RBFOX1: variants seen among roughly 807,000 people sequenced by gnomAD.
RBFOX1 encodes RNA binding fox-1 homolog 1.
Under a neutral mutation model 57.7 loss-of-function variants are expected in RBFOX1, and 8 were observed. The observed-to-expected ratio is 0.14, with a 90% CI of 0.08 to 0.25. The LOEUF (loss-of-function observed/expected upper bound fraction) is 0.25, where lower values mean the gene tolerates loss of function less well. RBFOX1 is among the 10% of genes least tolerant of loss of function. The pLI, the probability that RBFOX1 is intolerant of heterozygous loss-of-function variation, is 1.00. For missense variants in RBFOX1, 611 were observed against 548.5 expected (o/e 1.11, Z -1.14); for synonymous variants, 326 against 222.4 (o/e 1.47, Z -4.15).
At chr16:7,330,420 G>T (rs1304529404) in intron 4 of RBFOX1, among the ~76,000 whole-genome samples, 3 of 100,266 alleles carry the variant, frequency 3.0e-5, no homozygotes, top group African/African-American at 4.0e-5. Context: ...TGTTTTAGAT[G>T]ATCTGAGGTT....
At position 7,501,250 on chromosome 16, in the gene RBFOX1, C is replaced by G. The variant is rs79259421; in HGVS notation, c.28-16897C>G. Among the ~76,000 whole-genome samples the G allele has an allele frequency of 4.5e-4, 68 of 152,328 alleles. No individual in the cohort carries two copies. In the East Asian group the frequency reaches 0.013, roughly 29 times the overall value. ...TTTCCTCTGCTTATTTCTTCTATTT[C>G]AAGCACTAGAGTTACTTCCATTGAG... On this transcript the variant is annotated intron_variant, in intron 4 of 15. Coordinates refer to ENST00000550418, the MANE Select transcript of RBFOX1 (RefSeq NM_018723.4).
intron 5 of RBFOX1, among the ~76,000 whole-genome samples, chr16:7,549,186 C>G (rs1366929497): frequency 6.6e-6 from 1 of 152,182 alleles, no homozygotes; most frequent in African/African-American, 2.4e-5. Context: ...TGGGAAACAC[C>G]CTCGAAATAT....
intron 4 of RBFOX1, among the ~76,000 whole-genome samples, chr16:6,006,215 A>G (rs953931480): frequency 1.3e-5 from 2 of 152,160 alleles, no homozygotes; most frequent in Admixed American, 6.5e-5. Flanking sequence ...TTCTCAGACC[A>G]GATAGTTCAG....
intron 4 of RBFOX1, among the ~76,000 whole-genome samples, chr16:5,969,297 T>C (rs866910406): frequency 5.3e-5 from 6 of 112,378 alleles, no homozygotes; most frequent in Admixed American, 4.6e-4. Context: ...TTTCGGTTGT[T>C]CTTTTTTTTT....
intron 3 of RBFOX1, among the ~76,000 whole-genome samples, chr16:6,748,262 T>G (rs928893797): frequency 7.2e-5 from 11 of 152,096 alleles, no homozygotes; most frequent in African/African-American, 2.7e-4. Context: ...CCTTCTTTTC[T>G]CTTTCTCTCT....
At chr16:6,879,236 T>C (rs898099605) in intron 3 of RBFOX1, among the ~76,000 whole-genome samples, 8 of 152,230 alleles carry the variant, frequency 5.3e-5, no homozygotes, top group African/African-American at 1.9e-4. Context: ...AATTGATTTT[T>C]ATGGAATTGG....
chr16:6,800,940 T>C (rs926681933), intron 3 of RBFOX1, among the ~76,000 whole-genome samples: 3 of 152,154 alleles, frequency 2.0e-5, no homozygotes, highest in African/African-American at 7.2e-5. Context: ...TTGCCCCTGT[T>C]TGAGTATCTC....
chr16:5,691,185 A>G (rs1476779), intron 3 of RBFOX1, among the ~76,000 whole-genome samples: 35,008 of 152,092 alleles, frequency 0.23, 5,529 homozygotes, highest in East Asian at 0.81. Context: ...TTTGTAATAA[A>G]TTTTCTGTTT....
At chr16:5,297,204 G>C (rs146894044) in intron 1 of RBFOX1, among the ~76,000 whole-genome samples, 46 of 152,324 alleles carry the variant, frequency 3.0e-4, no homozygotes, top group African/African-American at 8.4e-4. Flanking sequence ...TGTGAATAGT[G>C]CTGCAGTGAA....
chr16:5,930,905 G>C (rs1376374069), intron 4 of RBFOX1, among the ~76,000 whole-genome samples: 2 of 142,530 alleles, frequency 1.4e-5, no homozygotes, highest in Non-Finnish European at 3.1e-5. Context: ...TGGATGCATG[G>C]ATGGGTGCAT....
intron 3 of RBFOX1, among the ~76,000 whole-genome samples, chr16:7,049,782 A>T (rs770018183): frequency 1.5e-4 from 23 of 152,320 alleles, no homozygotes; most frequent in Middle Eastern, 3.4e-3. Flanking sequence ...AGTGGGGGAA[A>T]CAGGATGAAG....
chr16:5,521,448 G>A (rs1038199083), intron 2 of RBFOX1, among the ~76,000 whole-genome samples: 10 of 152,174 alleles, frequency 6.6e-5, no homozygotes, highest in African/African-American at 9.7e-5. Context: ...TTAGAAGGCT[G>A]TGGCACATAT....
At chr16:7,496,590 C>T (rs1464318069) in intron 4 of RBFOX1, among the ~76,000 whole-genome samples, 4 of 151,964 alleles carry the variant, frequency 2.6e-5, no homozygotes, top group Non-Finnish European at 5.9e-5. Flanking sequence ...TCTGTACCCC[C>T]AAAGTGTGTG....
chr16:6,650,972 G>A (rs541205209), intron 2 of RBFOX1, among the ~76,000 whole-genome samples: 5 of 152,198 alleles, frequency 3.3e-5, no homozygotes, highest in East Asian at 1.9e-4. Context: ...GCATGATCCC[G>A]GCTTACTGCA....
At chr16:6,413,352 G>A (rs184524485) in intron 2 of RBFOX1, among the ~76,000 whole-genome samples, 3 of 151,802 alleles carry the variant, frequency 2.0e-5, no homozygotes, top group Non-Finnish European at 2.9e-5. Flanking sequence ...TGTAGAGATA[G>A]GGGGTCTTGC....
rs146571970 is a variant in RBFOX1, at chr16:7,475,014, C to T, written c.28-43133C>T. On this transcript the variant is annotated intron_variant, in intron 4 of 15. Transcript: ENST00000550418. ...CAGGATGGTACTCTAGATGGTTCCACACAATCCAGCTGTTGATAACAAAGA... is the reference window on the plus strand; with the variant it reads ...CAGGATGGTACTCTAGATGGTTCCATACAATCCAGCTGTTGATAACAAAGA... Among the ~76,000 whole-genome samples, 140 of 152,302 alleles carry T rather than the reference C, an allele frequency of 9.2e-4. 2 individuals are homozygous for T. Among genetic ancestry groups the T allele is most frequent in the Non-Finnish European group, 6.0e-4 (41 of 68,024 alleles).
At chr16:5,670,029 G>A (rs2049970124) in intron 3 of RBFOX1, among the ~76,000 whole-genome samples, 1 of 152,176 alleles carries the variant, frequency 6.6e-6, no homozygotes, top group Non-Finnish European at 1.5e-5. Context: ...ACTGACATGA[G>A]CTAAAATGTA....
intron 4 of RBFOX1, among the ~76,000 whole-genome samples, chr16:7,069,962 T>G (rs1361106683): frequency 6.6e-6 from 1 of 152,230 alleles, no homozygotes; most frequent in Non-Finnish European, 1.5e-5. Flanking sequence ...CACCATAGCC[T>G]AATAATTCCA....
At position 7,333,099 on chromosome 16, in the gene RBFOX1, G is replaced by T. The variant is rs2096722116; in HGVS notation, c.28-185048G>T. On this transcript the variant is annotated intron_variant, in intron 4 of 15. Transcript: ENST00000550418. The stretch of plus-strand genomic sequence containing the variant: ...CCTGGACTGATTCAGGTAATTCAAG[G>T]CCTCTGCCAGCCAGCAACTTAACTC... 3.1e-6 allele frequency: 5 copies of T among 1,610,462 alleles called. No individual in the cohort carries two copies. The East Asian group carries it at 8.9e-5, about 29-fold the overall frequency.
Sources: gnomAD v4.1 joint callset for allele counts (sites outside exome capture counted in the v4.1 genomes callset) on GRCh38, gnomAD v4.1.1 for gene constraint, MANE v1.5 for transcripts, NCBI Gene and HGNC (gene_info 2026-07-23, HGNC 2026-07-21) for gene names.